The following MSRA variants were observed in gnomAD, a reference collection of about 807,000 sequenced individuals.
The protein encoded by MSRA is mitochondrial peptide methionine sulfoxide reductase.
MSRA carries 54 observed loss-of-function variants against 31.3 expected under a neutral mutation model. The ratio of observed to expected loss-of-function variants is 1.73; its 90% confidence interval spans 1.39 to 2.17. MSRA has a LOEUF of 2.17. MSRA is among the 30% of genes most tolerant of loss of function. The pLI, the probability that MSRA is intolerant of heterozygous loss-of-function variation, is 0.00. For missense variants in MSRA, 507 were observed against 300.9 expected (o/e 1.69, Z -5.07); for synonymous variants, 169 against 116.5 (o/e 1.45, Z -2.90).
chr8:10,293,045 G>A (rs530650585), intron 3 of MSRA, among the ~76,000 whole-genome samples: 99 of 152,298 alleles, frequency 6.5e-4, no homozygotes, highest in African/African-American at 2.3e-3. Flanking sequence ...GGTTGTCTCC[G>A]TCCCTCGTGA....
At chr8:10,239,206 G>T (rs1452613328) in intron 2 of MSRA, among the ~76,000 whole-genome samples, 1 of 152,018 alleles carries the variant, frequency 6.6e-6, no homozygotes, top group African/African-American at 2.4e-5. Flanking sequence ...TCTGTTGCCA[G>T]GCTGGAGTGC....
chr8:10,088,012 C>T (rs1177642292), intron 1 of MSRA, among the ~76,000 whole-genome samples: 2 of 152,156 alleles, frequency 1.3e-5, no homozygotes, highest in Admixed American at 6.5e-5. Context: ...ACCTCACCTG[C>T]TTATCATTTC....
At chr8:10,261,431 C>T (rs558111061) in intron 3 of MSRA, among the ~76,000 whole-genome samples, 2 of 150,488 alleles carry the variant, frequency 1.3e-5, no homozygotes, top group Admixed American at 6.6e-5. Context: ...TGTGGTGGCT[C>T]ATGTCTGTGA....
At chr8:10,218,807 C>T (rs569921098) in intron 2 of MSRA, among the ~76,000 whole-genome samples, 4 of 152,172 alleles carry the variant, frequency 2.6e-5, no homozygotes, top group Non-Finnish European at 5.9e-5. Flanking sequence ...TTCACTTGGG[C>T]GTTTAACCAG....
chr8:10,226,817 T>C (rs1811042155), intron 2 of MSRA, among the ~76,000 whole-genome samples: 1 of 152,206 alleles, frequency 6.6e-6, no homozygotes, highest in Non-Finnish European at 1.5e-5. Flanking sequence ...GCTCTACAGC[T>C]CATTCTCAGC....
chr8:10,127,425 G>T (rs1403147927), intron 1 of MSRA, among the ~76,000 whole-genome samples: 2 of 152,176 alleles, frequency 1.3e-5, no homozygotes, highest in African/African-American at 4.8e-5. Context: ...AGTACAAAGG[G>T]ATGAAGGAGA....
chr8:10,242,252 C>G (rs1245824804), intron 2 of MSRA, among the ~76,000 whole-genome samples: 1 of 143,074 alleles, frequency 7.0e-6, no homozygotes, highest in East Asian at 2.0e-4. Flanking sequence ...GCCTGGGTGA[C>G]AGAGGGAGAC....
chr8:10,143,708 A>G (rs1024329325), intron 1 of MSRA, among the ~76,000 whole-genome samples: 4 of 152,144 alleles, frequency 2.6e-5, no homozygotes, highest in African/African-American at 9.7e-5. Flanking sequence ...AATTCCAAGC[A>G]AGAGGGCCAC....
intron 1 of MSRA, among the ~76,000 whole-genome samples, chr8:10,191,781 G>C (rs550848508): frequency 6.6e-6 from 1 of 151,944 alleles, no homozygotes; most frequent in East Asian, 1.9e-4. Context: ...TATGTCATTA[G>C]TTTTCCTTTG....
At chr8:10,314,735 A>G (rs1304147109) in intron 4 of MSRA, among the ~76,000 whole-genome samples, 1 of 152,236 alleles carries the variant, frequency 6.6e-6, no homozygotes, top group Non-Finnish European at 1.5e-5. Flanking sequence ...GGTAATGTTC[A>G]TTAAGGGTAG....
At chr8:10,363,489 C>G (rs1445569200) in intron 5 of MSRA, among the ~76,000 whole-genome samples, 1 of 152,158 alleles carries the variant, frequency 6.6e-6, no homozygotes, top group Non-Finnish European at 1.5e-5. Context: ...TGATCCATAT[C>G]TTCCCTCCAG....
intron 2 of MSRA, among the ~76,000 whole-genome samples, chr8:10,225,635 A>G (rs1810933435): frequency 6.6e-6 from 1 of 152,172 alleles, no homozygotes; most frequent in African/African-American, 2.4e-5. Context: ...TCTCAAGGGA[A>G]CTTCTGAAAA....
At chr8:10,203,567 C>T (rs1187675067) in intron 1 of MSRA, among the ~76,000 whole-genome samples, 2 of 152,180 alleles carry the variant, frequency 1.3e-5, no homozygotes, top group Non-Finnish European at 2.9e-5. Flanking sequence ...TATTTTTGGT[C>T]ACACTGTTGT....
intron 4 of MSRA, among the ~76,000 whole-genome samples, chr8:10,315,114 G>T (rs763325795): frequency 2.0e-5 from 3 of 152,112 alleles, no homozygotes; most frequent in Non-Finnish European, 2.9e-5. Flanking sequence ...GATCTCATGA[G>T]ACTTATTCAC....
intron 1 of MSRA, among the ~76,000 whole-genome samples, chr8:10,088,001 G>A (rs1185662827): frequency 6.6e-6 from 1 of 152,122 alleles, no homozygotes; most frequent in Non-Finnish European, 1.5e-5. Flanking sequence ...GGTGATCTAG[G>A]ACCTCACCTG....
chr8:10,072,891 G>A (rs1797814129), intron 1 of MSRA, among the ~76,000 whole-genome samples: 2 of 151,942 alleles, frequency 1.3e-5, no homozygotes, highest in African/African-American at 4.8e-5. Context: ...TTTAATTTTG[G>A]TTTCCACCTG....
intron 2 of MSRA, among the ~76,000 whole-genome samples, chr8:10,236,077 C>T (rs1811908528): frequency 6.6e-6 from 1 of 152,156 alleles, no homozygotes; most frequent in Non-Finnish European, 1.5e-5. Context: ...ATTCAGAACT[C>T]ATGCATGATA....
chr8:10,177,122 A>C (rs752966950), intron 1 of MSRA, among the ~76,000 whole-genome samples: 2 of 152,174 alleles, frequency 1.3e-5, no homozygotes, highest in African/African-American at 4.8e-5. Flanking sequence ...TATCTTTGCA[A>C]ATGGTAGATG....
intron 3 of MSRA, among the ~76,000 whole-genome samples, chr8:10,284,374 C>G (rs1217523270): frequency 2.6e-5 from 4 of 151,828 alleles, no homozygotes; most frequent in African/African-American, 4.8e-5. Context: ...TGGATTTTTA[C>G]TAGATACTGG....
Sources: allele counts gnomAD v4.1 joint callset (sites outside exome capture counted in the v4.1 genomes callset), GRCh38; gene constraint gnomAD v4.1.1; transcripts MANE v1.5; gene names NCBI Gene and HGNC (gene_info 2026-07-23, HGNC 2026-07-21).